USP24: variants seen among roughly 807,000 people sequenced by gnomAD.
USP24 encodes ubiquitin specific peptidase 24.
In USP24, 97 loss-of-function variants were observed where a neutral mutation model predicts 361.6. That is an observed-to-expected ratio of 0.27 (90% CI 0.23 to 0.32). The LOEUF (loss-of-function observed/expected upper bound fraction) is 0.32. Among genes scored for constraint, USP24 ranks in the 10% least tolerant of loss-of-function variants. The pLI, the probability that USP24 is intolerant of heterozygous loss-of-function variation, is 1.00. For synonymous variants in USP24, 1,098 were observed against 1,124.6 expected (o/e 0.98, Z 0.47); for missense variants, 2,353 against 3,165.6 (o/e 0.74, Z 6.16).
At chr1:55,176,778 G>T (rs187816910) in intron 2 of USP24, among the ~76,000 whole-genome samples, 67 of 152,180 alleles carry the variant, frequency 4.4e-4, no homozygotes, top group Middle Eastern at 3.4e-3. Flanking sequence ...AACACCAACA[G>T]CAGCTACTTA....
At chr1:55,166,335 T>C (rs540637886) in intron 6 of USP24, among the ~76,000 whole-genome samples, 5 of 152,096 alleles carry the variant, frequency 3.3e-5, no homozygotes, top group African/African-American at 1.2e-4. Context: ...AATCCTTGCA[T>C]TGATCCTTCT....
intron 16 of USP24, among the ~76,000 whole-genome samples, 190 bp downstream of exon 16, chr1:55,153,680 T>C (rs908430719): frequency 1.3e-5 from 2 of 152,166 alleles, no homozygotes; most frequent in Non-Finnish European, 2.9e-5. Context: ...AGATTTTTTT[T>C]CCCATTAAGA....
intron 32 of USP24, 114 bp from the exon 33 acceptor site, chr1:55,125,872 C>T: frequency 1.1e-6 from 1 of 878,954 alleles, no homozygotes; most frequent in South Asian, 1.9e-5. Flanking sequence ...CTACATGATT[C>T]TGTCATAAAA....
At chr1:55,109,149 C>T (rs184397433) in intron 39 of USP24, among the ~76,000 whole-genome samples, 34 of 152,252 alleles carry the variant, frequency 2.2e-4, no homozygotes, top group South Asian at 6.2e-4. Flanking sequence ...CCACCACGCC[C>T]GGCTGATTTT....
chr1:55,138,522 T>C, intron 26 of USP24, 86 bp downstream of exon 26: 1 of 926,272 alleles, frequency 1.1e-6, no homozygotes, highest in Admixed American at 2.7e-5. Flanking sequence ...TTAGAATGAT[T>C]ATTCATGCAG....
chr1:55,199,910 A>T (rs1644525294), intron 1 of USP24, among the ~76,000 whole-genome samples: 2 of 152,212 alleles, frequency 1.3e-5, no homozygotes, highest in Admixed American at 6.5e-5. Context: ...CAATCATGGC[A>T]GAAGGCAAGG....
At chr1:55,186,817 G>T (rs978504912) in intron 1 of USP24, among the ~76,000 whole-genome samples, 1 of 152,148 alleles carries the variant, frequency 6.6e-6, no homozygotes, top group Admixed American at 6.5e-5. Flanking sequence ...AGCTGGGGAA[G>T]ATGAAGTAGT....
intron 1 of USP24, among the ~76,000 whole-genome samples, chr1:55,205,858 TTTTCAA>T (rs1644689927): frequency 6.6e-6 from 1 of 152,232 alleles, no homozygotes; most frequent in Non-Finnish European, 1.5e-5. Context: ...CACAAGCTTA[TTTTCAA>T]AATTAAGTAT....
intron 39 of USP24, among the ~76,000 whole-genome samples, chr1:55,107,841 CAAAAAAAAA>C (rs777328294): frequency 7.8e-5 from 3 of 38,246 alleles, no homozygotes; most frequent in East Asian, 1.1e-3. Flanking sequence ...GACTCTGTCT[CAAAAAAAAA>C]AAAAAAAAAA....
chr1:55,135,642 G>C (rs1646712141), intron 28 of USP24, among the ~76,000 whole-genome samples: 1 of 152,094 alleles, frequency 6.6e-6, no homozygotes, highest in South Asian at 2.1e-4. Flanking sequence ...TAAACTTGAA[G>C]AGTTCTTTGA....
At chr1:55,185,790 C>T (rs1476620391) in intron 1 of USP24, among the ~76,000 whole-genome samples, 1 of 151,696 alleles carries the variant, frequency 6.6e-6, no homozygotes, top group Non-Finnish European at 1.5e-5. Flanking sequence ...CCTGTTCTCA[C>T]ACTCTTGGGC....
At chr1:55,186,402 T>C (rs1644132444) in intron 1 of USP24, among the ~76,000 whole-genome samples, 1 of 152,212 alleles carries the variant, frequency 6.6e-6, no homozygotes, top group Non-Finnish European at 1.5e-5. Flanking sequence ...TACCATGTGA[T>C]TGAGCAACTC....
chr1:55,187,856 T>C (rs1017718854), intron 1 of USP24, among the ~76,000 whole-genome samples: 3 of 152,198 alleles, frequency 2.0e-5, no homozygotes, highest in African/African-American at 7.2e-5. Context: ...ATTCCCCAAA[T>C]TGGTCTACAA....
chr1:55,182,398 AATAAGTTT>A (rs1353958290), intron 1 of USP24, among the ~76,000 whole-genome samples: 5 of 152,124 alleles, frequency 3.3e-5, no homozygotes, highest in African/African-American at 9.7e-5. Flanking sequence ...ACTGTAAGAA[AATAAGTTT>A]CTGTAGTTTA....
intron 44 of USP24, 94 bp downstream of exon 44, chr1:55,100,741 GTCTA>G: frequency 1.6e-5 from 1 of 63,502 alleles, no homozygotes; most frequent in Non-Finnish European, 2.5e-5. Flanking sequence ...CAAGAGATTA[GTCTA>G]AAGTTAATAA....
rs193033733 is a variant in USP24, at chr1:55,120,773, A to G, written c.4348-17T>C. On this transcript the variant is annotated splice_polypyrimidine_tract_variant and intron_variant, in intron 37 of 67. Transcript: ENST00000294383. ...CCGGCGAATCTGAAATTACATGATC[A>G]GCAGCAAAGGACAGACATGAATCAA... is the stretch of plus-strand genomic sequence containing the variant. 1,000 of 1,552,598 alleles carry G rather than the reference A, an allele frequency of 6.4e-4. 5 individuals carry two copies. In the African/African-American group the frequency reaches 0.012, roughly 19 times the overall value.
intron 38 of USP24, 101 bp downstream of exon 38, chr1:55,120,495 A>T: frequency 7.7e-7 from 1 of 1,298,578 alleles, no homozygotes; most frequent in Non-Finnish European, 1.0e-6. Flanking sequence ...AAGAAATTCT[A>T]GTCATCTCAA....
At chr1:55,106,851 C>T (rs1381274054) in intron 40 of USP24, among the ~76,000 whole-genome samples, 2 of 151,704 alleles carry the variant, frequency 1.3e-5, no homozygotes, top group East Asian at 3.9e-4. Context: ...TCATATGTAC[C>T]CCACCACTGG....
chr1:55,097,008 G>T lies in USP24; in HGVS notation c.5880C>A (p.Ile1960=). Residue 1960 remains isoleucine (I), a synonymous_variant, in exon 49 of 68, where the codon ATC becomes ATA. Transcript: ENST00000294383. The stretch of plus-strand genomic sequence containing the variant: ...CTGCGTGTGCCTGCCCACTGTGTAC[G>T]ATGACACCGACAAGTTCATAGTTTT... The part of the protein sequence containing the change: ...LTENYELVGV[I]VHSGQAHAGH... 6.2e-7 allele frequency: 1 copy of T among 1,613,850 alleles called. No homozygotes were observed. The highest frequency in any genetic ancestry group is 8.5e-7 in the Non-Finnish European group (1 of 1,179,866).
Sources: gnomAD v4.1 joint callset for allele counts (sites outside exome capture counted in the v4.1 genomes callset) on GRCh38, gnomAD v4.1.1 for gene constraint, MANE v1.5 for transcripts, NCBI Gene and HGNC (gene_info 2026-07-23, HGNC 2026-07-21) for gene names.